Variants in LPCAT1 observed in about 807,000 individuals in gnomAD.
LPCAT1 encodes 1-acylglycerol-3-phosphate O-acyltransferase.
LPCAT1 carries 23 observed loss-of-function variants against 60.9 expected under a neutral mutation model. That is an observed-to-expected ratio of 0.38 (90% CI 0.27 to 0.53). The LOEUF (loss-of-function observed/expected upper bound fraction) is 0.53. Ranked by LOEUF, LPCAT1 falls within the 20% of genes least tolerant of loss-of-function variation. The pLI is 0.82. For synonymous variants in LPCAT1, 340 were observed against 301.1 expected (o/e 1.13, Z -1.34); for missense variants, 622 against 723.6 (o/e 0.86, Z 1.61).
chr5:1,500,322 A>G (rs1296117564), intron 2 of LPCAT1, among the ~76,000 whole-genome samples: 1 of 152,276 alleles, frequency 6.6e-6, no homozygotes, highest in Non-Finnish European at 1.5e-5. Flanking sequence ...TTCATTTGCT[A>G]ATGGCAGATA....
intron 8 of LPCAT1, among the ~76,000 whole-genome samples, chr5:1,478,656 C>T (rs1359907352): frequency 6.6e-6 from 1 of 152,274 alleles, no homozygotes; most frequent in Non-Finnish European, 1.5e-5. Context: ...ATGAGAGCAG[C>T]TTATCCTCTA....
chr5:1,488,990 G>A (rs1023665635), intron 4 of LPCAT1, among the ~76,000 whole-genome samples: 2 of 152,236 alleles, frequency 1.3e-5, no homozygotes, highest in Admixed American at 6.5e-5. Context: ...ACACTGGCCT[G>A]CAGTAGCAAA....
In LPCAT1 at chr5:1,465,229, AAAC is replaced by A. The variant is rs370495090; in HGVS notation, c.1421-1397_1421-1395del. On this transcript the variant is annotated intron_variant, in intron 13 of 13. Coordinates refer to ENST00000283415, the MANE Select transcript of LPCAT1 (RefSeq NM_024830.5). ...AAACACACATGCGTGCACACACACA[AAAC>A]AAGCACACGCACACAGCAACTAAAC... 5.0e-3 allele frequency among the ~76,000 whole-genome samples: 750 copies of A among 149,460 alleles called. 9 individuals are homozygous for A. The highest frequency in any genetic ancestry group is 0.017 in the African/African-American group (680 of 40,458).
At chr5:1,501,711 G>A in intron 1 of LPCAT1, 108 bp from the exon 2 acceptor site, 1 of 1,138,058 alleles carries the variant, frequency 8.8e-7, no homozygotes, top group Non-Finnish European at 1.3e-6. Flanking sequence ...AGAGTGGAGA[G>A]CTGGGGAGGG....
At chr5:1,510,473 G>A (rs966180831) in intron 1 of LPCAT1, among the ~76,000 whole-genome samples, 1 of 152,126 alleles carries the variant, frequency 6.6e-6, no homozygotes, top group Non-Finnish European at 1.5e-5. Flanking sequence ...TTTGCAAATC[G>A]GCCCCGCAGT....
In LPCAT1 at chr5:1,487,563, C is replaced by A. The variant is rs915400384; in HGVS notation, c.667+828G>T. Among the ~76,000 whole-genome samples the A allele has an allele frequency of 3.3e-5, 5 of 152,132 alleles. No individual in the cohort carries two copies. The highest frequency in any genetic ancestry group is 7.4e-5 in the Non-Finnish European group (5 of 68,020). On this transcript the variant is annotated intron_variant, in intron 5 of 13. Transcript: ENST00000283415. This position sits in a 1 kb window ranked among gnomAD's most constrained non-coding sequence, Gnocchi z 6.1. ...GTGAGTGACTGCACACTTTCTCGAC[C>A]CAGCTCCCATAAATGTCCAGACACT...
chr5:1,493,473 T>C (rs1375412715), intron 3 of LPCAT1, among the ~76,000 whole-genome samples: 8 of 152,212 alleles, frequency 5.3e-5, no homozygotes, highest in East Asian at 1.9e-4. Flanking sequence ...TAACGTTAGG[T>C]GCTGCATGGA....
intron 13 of LPCAT1, 67 bp downstream of exon 13, chr5:1,466,682 C>G: frequency 1.3e-6 from 2 of 1,504,096 alleles, no homozygotes; most frequent in Non-Finnish European, 1.8e-6. Context: ...CCCACGGAGA[C>G]TCGCCCCACA....
chr5:1,461,867 TCTC>T lies in LPCAT1; in HGVS notation c.*1781_*1783del, dbSNP rs1222009166. The T allele has an allele frequency of 1.3e-5, 2 of 152,606 alleles. No individual in the cohort carries two copies. The highest frequency in any genetic ancestry group is 2.9e-5 in the Non-Finnish European group (2 of 68,030). The allele number at this position is 152,606 out of a possible 1,614,324, so 9.5% of individuals were successfully genotyped here. On this transcript the variant is annotated 3_prime_UTR_variant, in exon 14 of 14. Coordinates refer to ENST00000283415, the MANE Select transcript of LPCAT1 (RefSeq NM_024830.5). Reference sequence around the variant, plus strand: ...CCTTCATTGGCCATTTGCAGGCTCTTCTCCTTGAAAAATGAATCTTTACGCATT... The same window carrying T: ...CCTTCATTGGCCATTTGCAGGCTCTTCTTGAAAAATGAATCTTTACGCATT...
intron 13 of LPCAT1, among the ~76,000 whole-genome samples, chr5:1,464,989 G>A (rs965560353): frequency 6.8e-5 from 10 of 147,344 alleles, no homozygotes; most frequent in South Asian, 2.2e-4. Context: ...CAAAACAAGT[G>A]CAGGCACACA....
At chr5:1,494,028 C>T (rs1422870354) in intron 3 of LPCAT1, among the ~76,000 whole-genome samples, 3 of 152,224 alleles carry the variant, frequency 2.0e-5, no homozygotes, top group Admixed American at 6.5e-5. Context: ...ACAGGGCCTT[C>T]GGCCCAGAGA....
chr5:1,479,594 G>A (rs952591070), intron 8 of LPCAT1, 27 bp downstream of exon 8: 18 of 1,546,776 alleles, frequency 1.2e-5, no homozygotes, highest in Admixed American at 1.7e-5. Context: ...TGTGAAGAGC[G>A]CTGTGTAACT....
intron 1 of LPCAT1, among the ~76,000 whole-genome samples, chr5:1,512,303 C>A (rs567724651): frequency 6.6e-6 from 1 of 152,196 alleles, no homozygotes; most frequent in Non-Finnish European, 1.5e-5. Context: ...CGGCCACACC[C>A]GCCTTCGGAG....
chr5:1,505,412 ATGGT>A (rs1345182566), intron 1 of LPCAT1, among the ~76,000 whole-genome samples: 4 of 152,250 alleles, frequency 2.6e-5, no homozygotes, highest in Non-Finnish European at 5.9e-5. Flanking sequence ...ACAGTAACCC[ATGGT>A]GTTCCTGAAA....
At position 1,463,554 on chromosome 5, in the gene LPCAT1, G is replaced by A; in HGVS notation, c.*97C>T. 2.2e-6 allele frequency: 3 copies of A among 1,335,438 alleles called. No homozygotes were observed. The South Asian group carries it at 4.0e-5, about 18-fold the overall frequency. 82.7% of individuals were successfully genotyped at this position (1,335,438 alleles called of 1,614,324 possible). On this transcript the variant is annotated 3_prime_UTR_variant, in exon 14 of 14. Transcript: ENST00000283415. Reference sequence around the variant, plus strand: ...TCGGGCTGAAGACAGTGCCTGTACAGCAGGAGTGAGGAGCGGAGCCCAGAG... The same window carrying A: ...TCGGGCTGAAGACAGTGCCTGTACAACAGGAGTGAGGAGCGGAGCCCAGAG...
chr5:1,502,463 C>T lies in LPCAT1; in HGVS notation c.136-860G>A, dbSNP rs534658349. ...GTGTGACTTTCCAGTCAATGGAAGA[C>T]CCGGCGCAGGAGAGTGAACTGGCGG... On this transcript the variant is annotated intron_variant, in intron 1 of 13. Coordinates refer to ENST00000283415, the MANE Select transcript of LPCAT1 (RefSeq NM_024830.5). This position sits in a 1 kb window ranked among gnomAD's most constrained non-coding sequence, Gnocchi z 5.5. 2.2e-4 allele frequency among the ~76,000 whole-genome samples: 33 copies of T among 152,102 alleles called. No homozygotes were observed. The highest frequency in any genetic ancestry group is 4.1e-4 in the Non-Finnish European group (28 of 68,006).
Position 1,522,371 on chromosome 5 carries a change from T to G in LPCAT1, c.135+1339A>C, listed in dbSNP as rs73735514. Among the ~76,000 whole-genome samples the G allele has an allele frequency of 0.12, 18,766 of 152,118 alleles. 1,347 individuals are homozygous for G. Among genetic ancestry groups the G allele is most frequent in the Middle Eastern group, 0.26 (75 of 294 alleles). On this transcript the variant is annotated intron_variant, in intron 1 of 13. Coordinates refer to ENST00000283415, the MANE Select transcript of LPCAT1 (RefSeq NM_024830.5). This position sits in a 1 kb window ranked among gnomAD's most constrained non-coding sequence, Gnocchi z 6.8. ...ACAGCACACGGCAGCTGACAGCGTGTGGCAGACAGAGGGCCAGGCAGAGCG... is the reference window on the plus strand; with the variant it reads ...ACAGCACACGGCAGCTGACAGCGTGGGGCAGACAGAGGGCCAGGCAGAGCG...
intron 11 of LPCAT1, among the ~76,000 whole-genome samples, chr5:1,471,145 A>G (rs1455349850): frequency 1.3e-5 from 2 of 152,244 alleles, no homozygotes; most frequent in Non-Finnish European, 2.9e-5. Flanking sequence ...GTGACTTCCC[A>G]AAGTTCACAA....
chr5:1,474,583 A>G lies in LPCAT1; in HGVS notation c.1002T>C (p.Phe334=). 6.2e-7 allele frequency: 1 copy of G among 1,614,032 alleles called. No individual in the cohort carries two copies. Among genetic ancestry groups the G allele is most frequent in the Non-Finnish European group, 8.5e-7 (1 of 1,180,004 alleles). The change falls in exon 10 of 14, where the codon TTT becomes TTC. Residue 334 remains phenylalanine, a synonymous_variant. Transcript: ENST00000283415. ...ACCCGAGGCCCCGCACGAGCCTGGCAAATTCTAAAAGGCAAGTGTCAGCGG... is the reference window on the plus strand; with the variant it reads ...ACCCGAGGCCCCGCACGAGCCTGGCGAATTCTAAAAGGCAAGTGTCAGCGG... ...RLPADTCLLE[F]ARLVRGLGLK...
Sources: gnomAD v4.1 joint callset for allele counts (sites outside exome capture counted in the v4.1 genomes callset) on GRCh38, gnomAD v4.1.1 for gene constraint, Gnocchi (gnomAD v3.1) non-coding constraint, MANE v1.5 for transcripts, NCBI Gene and HGNC (gene_info 2026-07-23, HGNC 2026-07-21) for gene names.